PRELID2: variants seen among roughly 807,000 people sequenced by gnomAD.
PRELID2 encodes the protein PRELI domain containing 2.
A neutral mutation model predicts 28.4 loss-of-function variants in PRELID2; 25 were observed. That is an observed-to-expected ratio of 0.88 (90% CI 0.64 to 1.23). PRELID2 has a LOEUF of 1.23. PRELID2 is among the 50% of genes most tolerant of loss of function. The pLI is 0.00. For synonymous variants in PRELID2, 76 were observed against 71.6 expected, an observed-to-expected ratio of 1.06 and a Z score of -0.31; for missense variants, 201 against 214.4, an observed-to-expected ratio of 0.94 and a Z score of 0.39.
intron 5 of PRELID2, among the ~76,000 whole-genome samples, chr5:145,768,127 A>T (rs911970175): frequency 1.3e-5 from 2 of 151,328 alleles, no homozygotes; most frequent in Non-Finnish European, 2.9e-5. Flanking sequence ...CAGGAGGCTA[A>T]GACAGGAGAA....
the PRELID2 span, among the ~76,000 whole-genome samples, chr5:145,407,933 G>A: frequency 6.6e-6 from 1 of 152,160 alleles, no homozygotes; most frequent in Non-Finnish European, 1.5e-5. Context: ...ACAGGTGTGA[G>A]TATCCATGGC....
At chr5:145,754,309 A>G (rs776491326), downstream of PRELID2, 6 of 152,112 alleles carry the variant, frequency 3.9e-5, no homozygotes, top group African/African-American at 1.2e-4. Context: ...TGGGGCCACA[A>G]ACCTATGTGT....
intron 1 of PRELID2, among the ~76,000 whole-genome samples, chr5:145,588,719 A>C (rs78219072): frequency 0.071 from 10,840 of 152,034 alleles, 571 homozygotes; most frequent in Admixed American, 0.18. Context: ...CCTTTGCCCA[A>C]TCTGAGACGC....
chr5:145,670,932 G>T (rs1020883689), intron 1 of PRELID2, among the ~76,000 whole-genome samples: 4 of 152,160 alleles, frequency 2.6e-5, no homozygotes, highest in Non-Finnish European at 5.9e-5. Context: ...AACAGTGAGA[G>T]ATCTTAATAT....
intron 1 of PRELID2, among the ~76,000 whole-genome samples, chr5:145,525,028 T>G (rs1044751123): frequency 2.0e-5 from 3 of 152,196 alleles, no homozygotes; most frequent in African/African-American, 7.2e-5. Context: ...ATATCAATAC[T>G]AATATTAATA....
chr5:145,787,141 A>AAAAAC (rs914711231), intron 5 of PRELID2, among the ~76,000 whole-genome samples: 1 of 152,224 alleles, frequency 6.6e-6, no homozygotes, highest in Non-Finnish European at 1.5e-5. Flanking sequence ...CTCAAAAACA[A>AAAAAC]AAAACAAAAC....
chr5:145,409,932 A>G, the PRELID2 span, among the ~76,000 whole-genome samples: 1 of 152,342 alleles, frequency 6.6e-6, no homozygotes, highest in African/African-American at 2.4e-5. Context: ...TATAGTTACC[A>G]AAACAGCATG....
Position 145,823,236 on chromosome 5 carries a change from A to T in PRELID2, c.76-102T>A, listed in dbSNP as rs891928258. The T allele has an allele frequency of 6.8e-6, 4 of 590,636 alleles. No individual in the cohort carries two copies. The African/African-American group carries it at 7.5e-5, about 11-fold the overall frequency. The allele number at this position is 590,636 out of a possible 1,614,324, so 36.6% of individuals were successfully genotyped here. ...CTGCAGGACTAGTAAATATTTTCCA[A>T]GAAACTTCTAAACAAAGCCCAGTTT... is the stretch of plus-strand genomic sequence containing the variant. On this transcript the variant is annotated intron_variant, in intron 1 of 6. Transcript: ENST00000683046.
chr5:145,780,184 G>A (rs1417437712), intron 5 of PRELID2, among the ~76,000 whole-genome samples: 3 of 152,150 alleles, frequency 2.0e-5, no homozygotes, highest in Non-Finnish European at 4.4e-5. Context: ...GTGGTGGCAG[G>A]TGCCTGTAAT....
At chr5:145,312,900 A>G in the PRELID2 span, among the ~76,000 whole-genome samples, 1 of 152,090 alleles carries the variant, frequency 6.6e-6, no homozygotes, top group African/African-American at 2.4e-5. Context: ...GGACCATATG[A>G]TAGTTCTATT....
At chr5:145,394,183 A>T in the PRELID2 span, among the ~76,000 whole-genome samples, 1 of 152,150 alleles carries the variant, frequency 6.6e-6, no homozygotes, top group Admixed American at 6.5e-5. Context: ...AACCAACCTA[A>T]ACGTCCAACA....
intron 1 of PRELID2, among the ~76,000 whole-genome samples, chr5:145,700,384 T>C (rs1027221642): frequency 4.6e-5 from 7 of 151,194 alleles, no homozygotes; most frequent in African/African-American, 1.7e-4. Context: ...TAAATCCCTT[T>C]CCCCCCCACC....
the PRELID2 span, among the ~76,000 whole-genome samples, chr5:145,428,351 A>C: frequency 6.6e-6 from 1 of 152,202 alleles, no homozygotes; most frequent in African/African-American, 2.4e-5. Context: ...ACCCATTGTA[A>C]GAATCTCTAC....
At chr5:145,431,574 T>C in the PRELID2 span, among the ~76,000 whole-genome samples, 1 of 152,168 alleles carries the variant, frequency 6.6e-6, no homozygotes, top group African/African-American at 2.4e-5. Context: ...CACCACCTGA[T>C]AGGATGCAGC....
At chr5:145,417,875 T>C in the PRELID2 span, among the ~76,000 whole-genome samples, 2 of 152,106 alleles carry the variant, frequency 1.3e-5, no homozygotes, top group Non-Finnish European at 2.9e-5. Context: ...CTATTCAACA[T>C]AGTATTGGAA....
the PRELID2 span, among the ~76,000 whole-genome samples, chr5:145,296,815 A>C: frequency 6.6e-6 from 1 of 152,156 alleles, no homozygotes; most frequent in African/African-American, 2.4e-5. Context: ...CCAACAGTGT[A>C]AAAGTGTTCC....
chr5:145,388,094 G>A, the PRELID2 span, among the ~76,000 whole-genome samples: 1 of 152,068 alleles, frequency 6.6e-6, no homozygotes, highest in Non-Finnish European at 1.5e-5. Context: ...TAAAGGATGA[G>A]GATGGTAGAA....
At chr5:145,800,149 AC>A (rs1753032494) in intron 4 of PRELID2, among the ~76,000 whole-genome samples, 1 of 152,120 alleles carries the variant, frequency 6.6e-6, no homozygotes, top group Non-Finnish European at 1.5e-5. Flanking sequence ...ACTGGATCCA[AC>A]AAACTGTCAT....
chr5:145,630,259 TGGA>T (rs1282671708), intron 1 of PRELID2, among the ~76,000 whole-genome samples: 5 of 151,860 alleles, frequency 3.3e-5, no homozygotes, highest in African/African-American at 7.3e-5. Flanking sequence ...AGTGGGTAAG[TGGA>T]GGACAATGGA....
Sources: gnomAD v4.1 joint callset for allele counts (sites outside exome capture counted in the v4.1 genomes callset) on GRCh38, gnomAD v4.1.1 for gene constraint, MANE v1.5 for transcripts, NCBI Gene and HGNC (gene_info 2026-07-23, HGNC 2026-07-21) for gene names.